The following CAMKK1 variants were observed in gnomAD, a reference collection of about 807,000 sequenced individuals.
CAMKK1 encodes the protein calcium/calmodulin dependent protein kinase kinase 1.
In CAMKK1, 20 loss-of-function variants were observed where a neutral mutation model predicts 63.5. The ratio of observed to expected loss-of-function variants is 0.32; its 90% confidence interval spans 0.22 to 0.46. The LOEUF (loss-of-function observed/expected upper bound fraction) is 0.46. Ranked by LOEUF, CAMKK1 falls within the 20% of genes least tolerant of loss-of-function variation. CAMKK1 has a pLI of 1.00. For missense variants in CAMKK1, 588 were observed against 658.1 expected, an observed-to-expected ratio of 0.89 and a Z score of 1.17; for synonymous variants, 253 against 269.0, an observed-to-expected ratio of 0.94 and a Z score of 0.58.
intron 9 of CAMKK1, 125 bp downstream of exon 9, chr17:3,880,221 C>A: frequency 1.2e-6 from 1 of 803,446 alleles, no homozygotes; most frequent in Non-Finnish European, 2.0e-6. Flanking sequence ...GCCCCACTCC[C>A]ACTGAAGCTG....
intron 14 of CAMKK1, among the ~76,000 whole-genome samples, chr17:3,866,544 C>T (rs2054533415): frequency 6.6e-6 from 1 of 152,262 alleles, no homozygotes; most frequent in African/African-American, 2.4e-5. Context: ...GCCGTGCCCA[C>T]AGACACGCCG....
At position 3,880,427 on chromosome 17, in the gene CAMKK1, T is replaced by G. The variant is rs753857143; in HGVS notation, c.715A>C (p.Met239Leu). Residue 239 changes from methionine (M) to leucine (L), a missense_variant, in exon 9 of 16, where the codon ATG becomes CTG. Met to Leu is a conservative substitution (Grantham distance 15). Around this residue, in one of 3 missense-constraint regions of CAMKK1, gnomAD observed 357 missense variants for 407.4 expected, o/e 0.88. Transcript: ENST00000348335. ...VFDLLRKGPV[M>L]EVPCDKPFSE... ...AAGGGCTTGTCACAGGGCACTTCCA[T>G]GACGGGCCTATGGAGAAGGATGCGG... The G allele has an allele frequency of 8.7e-6, 14 of 1,613,330 alleles. No homozygotes were observed. Among genetic ancestry groups the G allele is most frequent in the Non-Finnish European group, 1.2e-5 (14 of 1,179,764 alleles).
intron 14 of CAMKK1, among the ~76,000 whole-genome samples, chr17:3,868,466 C>T (rs185920774): frequency 4.2e-5 from 6 of 143,474 alleles, no homozygotes; most frequent in South Asian, 4.6e-4. Flanking sequence ...GAGACGCAGG[C>T]GCCGCCTAAC....
Position 3,871,478 on chromosome 17 carries a change from T to C in CAMKK1, c.1124+1076A>G, listed in dbSNP as rs377091792. Among the ~76,000 whole-genome samples, 610 of 142,972 alleles carry C rather than the reference T, an allele frequency of 4.3e-3. 19 individuals carry two copies. Among genetic ancestry groups the C allele is most frequent in the African/African-American group, 0.013 (469 of 36,158 alleles). 93.8% of individuals were successfully genotyped at this position (142,972 alleles called of 152,430 possible). A position where few individuals can be genotyped will look rare whatever the true frequency, so the allele number is the denominator to read the frequency against. ...CACGCCGTTCTCCTGCCTCAGCCTCTCGAGTAGCTGGGACTACAGGCACCC... is the reference window on the plus strand; with the variant it reads ...CACGCCGTTCTCCTGCCTCAGCCTCCCGAGTAGCTGGGACTACAGGCACCC... On this transcript the variant is annotated intron_variant, in intron 12 of 15. Transcript: ENST00000348335.
At chr17:3,881,969 G>C in intron 7 of CAMKK1, 3 of 531,158 alleles carry the variant, frequency 5.6e-6, no homozygotes, top group Non-Finnish European at 1.0e-5. Context: ...GGTAGGGTAG[G>C]GAGTGGAGAC....
chr17:3,865,385 A>G (rs2532947), intron 15 of CAMKK1: 383,638 of 990,160 alleles, frequency 0.39, 76,162 homozygotes, highest in African/African-American at 0.62. Flanking sequence ...CTGACTGGGC[A>G]CAGAGCCCCA....
In CAMKK1 at chr17:3,862,352, TCA is replaced by T. The variant is rs768974328; in HGVS notation, c.1446-71_1446-70del. ...TATGCACTCAGGGAGACACTCTCCC[TCA>T]CACACACAGGAATCTGAATCCCACA... On this transcript the variant is annotated intron_variant, in intron 15 of 15. Transcript: ENST00000348335. The surrounding 1 kb of genome is among the most constrained non-coding windows in gnomAD (Gnocchi z 4.1). 8.1e-7 allele frequency: 1 copy of T among 1,233,798 alleles called. No homozygotes were observed. The highest frequency in any genetic ancestry group is 1.2e-6 in the Non-Finnish European group (1 of 859,198). The allele number at this position is 1,233,798 out of a possible 1,614,324, so 76.4% of individuals were successfully genotyped here.
intron 14 of CAMKK1, among the ~76,000 whole-genome samples, chr17:3,867,647 C>T (rs528253673): frequency 1.3e-5 from 2 of 152,058 alleles, no homozygotes; most frequent in African/African-American, 4.8e-5. Context: ...CCAGCGACCC[C>T]ACAGAGTCAA....
rs1429025758 is a variant in CAMKK1 at position 3,873,425 on chromosome 17, C to G, written c.1034G>C (p.Cys345Ser). ...DVWATGVTLY[C>S]FVYGKCPFID... ...GGCACTCACCTTCCCATAGACAAAG[C>G]AGTACAACGTGACGCCAGTGGCCCA... Residue 345 changes from cysteine to serine, a missense_variant, in exon 11 of 16, where the codon TGC becomes TCC. By Grantham distance (112) the Cys-to-Ser change is moderately radical. Coordinates refer to ENST00000348335, the MANE Select transcript of CAMKK1 (RefSeq NM_032294.3). 1 of 1,614,138 alleles carries G rather than the reference C, an allele frequency of 6.2e-7. No homozygotes were observed. The highest frequency in any genetic ancestry group is 8.5e-7 in the Non-Finnish European group (1 of 1,180,028).
rs940451235 is a variant in CAMKK1 at position 3,887,046 on chromosome 17, C to T, written c.-43-1316G>A. On this transcript the variant is annotated intron_variant, in intron 1 of 15. Transcript: ENST00000348335. The surrounding 1 kb of genome is among the most constrained non-coding windows in gnomAD (Gnocchi z 6.1). Reference sequence around the variant, plus strand: ...ACGCATGGTGAAGCGCCTGCTCTACCGCTCGTTCCCCATCCCCTTGCTTTG... The same window carrying T: ...ACGCATGGTGAAGCGCCTGCTCTACTGCTCGTTCCCCATCCCCTTGCTTTG... 8.5e-5 allele frequency among the ~76,000 whole-genome samples: 13 copies of T among 152,258 alleles called. 1 individual carries two copies. Among genetic ancestry groups the T allele is most frequent in the East Asian group, 7.7e-4 (4 of 5,172 alleles).
intron 15 of CAMKK1, chr17:3,865,112 G>T: frequency 1.0e-6 from 1 of 985,028 alleles, no homozygotes; most frequent in Non-Finnish European, 1.2e-6. Context: ...GACCCCACTG[G>T]TTTTCTCTCT....
At chr17:3,877,096 C>T (rs556436089) in intron 9 of CAMKK1, among the ~76,000 whole-genome samples, 1 of 152,244 alleles carries the variant, frequency 6.6e-6, no homozygotes, top group Non-Finnish European at 1.5e-5. Flanking sequence ...TGCCCCTTCC[C>T]TGTGAGTGCC....
At position 3,882,869 on chromosome 17, in the gene CAMKK1, C is replaced by T. The variant is rs1230837526; in HGVS notation, c.648+173G>A. Among the ~76,000 whole-genome samples, 1 of 152,194 alleles carries T rather than the reference C, an allele frequency of 6.6e-6. No individual in the cohort carries two copies. Among genetic ancestry groups the T allele is most frequent in the African/African-American group, 2.4e-5 (1 of 41,448 alleles). On this transcript the variant is annotated intron_variant, in intron 6 of 15. Transcript: ENST00000348335. The surrounding 1 kb of genome is among the most constrained non-coding windows in gnomAD (Gnocchi z 4.3). ...TGGGAACATCCCTGACCAGGCTGGG[C>T]CCCCAAAGCCTTCCTGCAGCCCCAC...
In CAMKK1 at chr17:3,882,367, AG is replaced by A; in HGVS notation, c.685+160del. ...CTGGATATTCTGGGCCTGGTTCTGC[AG>A]GGCTGGGCAAGGGAATCCAGGGCTT... On this transcript the variant is annotated intron_variant, in intron 7 of 15. Coordinates refer to ENST00000348335, the MANE Select transcript of CAMKK1 (RefSeq NM_032294.3). The surrounding 1 kb of genome is among the most constrained non-coding windows in gnomAD (Gnocchi z 4.3). The A allele has an allele frequency of 6.2e-7, 1 of 1,613,036 alleles. No homozygotes were observed. The highest frequency in any genetic ancestry group is 8.5e-7 in the Non-Finnish European group (1 of 1,179,090).
chr17:3,864,525 C>T (rs938016361), intron 15 of CAMKK1, among the ~76,000 whole-genome samples: 2 of 152,120 alleles, frequency 1.3e-5, no homozygotes, highest in African/African-American at 4.8e-5. Context: ...GGATTACAGG[C>T]GTGAGCCACC....
chr17:3,864,539 C>T (rs1291602891), intron 15 of CAMKK1, among the ~76,000 whole-genome samples: 1 of 152,014 alleles, frequency 6.6e-6, no homozygotes, highest in African/African-American at 2.4e-5. Flanking sequence ...AGCCACCGCA[C>T]CCGGCCGTGC....
At chr17:3,866,370 C>T (rs949766459) in intron 14 of CAMKK1, among the ~76,000 whole-genome samples, 22 of 152,242 alleles carry the variant, frequency 1.4e-4, no homozygotes, top group Non-Finnish European at 1.9e-4. Flanking sequence ...CCATCCTTCC[C>T]GCCTTCCGGC....
Position 3,862,096 on chromosome 17 carries a change from A to G in CAMKK1, c.*115T>C. 1 of 744,362 alleles carries G rather than the reference A, an allele frequency of 1.3e-6. No individual in the cohort carries two copies. Among genetic ancestry groups the G allele is most frequent in the Non-Finnish European group, 2.3e-6 (1 of 443,634 alleles). 46.1% of individuals were successfully genotyped at this position (744,362 alleles called of 1,614,324 possible). ...TGCAGCACGATGGGGGAGGGGCGGG[A>G]GTGGGGCTGCAGTCCCCAGCCCCCT... On this transcript the variant is annotated 3_prime_UTR_variant, in exon 16 of 16. Coordinates refer to ENST00000348335, the MANE Select transcript of CAMKK1 (RefSeq NM_032294.3). The surrounding 1 kb of genome is among the most constrained non-coding windows in gnomAD (Gnocchi z 4.1).
chr17:3,868,973 C>CT (rs146125805), intron 14 of CAMKK1, among the ~76,000 whole-genome samples: 2,377 of 125,018 alleles, frequency 0.019, 63 homozygotes, highest in African/African-American at 0.064. Flanking sequence ...TTCTTTTCTT[C>CT]TTTTTTTTTT....
Sources: allele counts gnomAD v4.1 joint callset (sites outside exome capture counted in the v4.1 genomes callset), GRCh38; gene constraint gnomAD v4.1.1; regional missense constraint gnomAD v4.1.1; non-coding constraint Gnocchi (gnomAD v3.1); transcripts MANE v1.5; gene names NCBI Gene and HGNC (gene_info 2026-07-23, HGNC 2026-07-21).